RBFOX1: variants seen among roughly 807,000 people sequenced by gnomAD.
RBFOX1 encodes the protein RNA binding fox-1 homolog 1.
A neutral mutation model predicts 57.7 loss-of-function variants in RBFOX1; 8 were observed. That is an observed-to-expected ratio of 0.14 (90% confidence interval 0.08 to 0.25). RBFOX1 has a LOEUF of 0.25. Ranked by LOEUF, RBFOX1 falls within the 10% of genes least tolerant of loss-of-function variation. The pLI, the probability that RBFOX1 is intolerant of heterozygous loss-of-function variation, is 1.00. For synonymous variants in RBFOX1, 326 were observed against 222.4 expected (o/e 1.47, Z -4.15); for missense variants, 611 against 548.5 (o/e 1.11, Z -1.14).
At chr16:5,817,214 A>T (rs538054878) in intron 3 of RBFOX1, among the ~76,000 whole-genome samples, 2 of 152,084 alleles carry the variant, frequency 1.3e-5, no homozygotes, top group Admixed American at 6.6e-5. Flanking sequence ...TGGGGTGTGC[A>T]CTTCTAGGAG....
intron 9 of RBFOX1, among the ~76,000 whole-genome samples, chr16:7,602,303 G>A (rs1024312771): frequency 6.6e-6 from 1 of 152,104 alleles, no homozygotes; most frequent in African/African-American, 2.4e-5. Flanking sequence ...GCCACGGAGG[G>A]GTCTAAACTG....
intron 3 of RBFOX1, among the ~76,000 whole-genome samples, chr16:6,883,017 G>T (rs1462506869): frequency 6.6e-6 from 1 of 152,136 alleles, no homozygotes; most frequent in Non-Finnish European, 1.5e-5. Flanking sequence ...CCAATCTGCA[G>T]ATATTCTAGA....
At chr16:7,460,467 TATA>T (rs1233337500) in intron 4 of RBFOX1, among the ~76,000 whole-genome samples, 1 of 145,272 alleles carries the variant, frequency 6.9e-6, no homozygotes, top group East Asian at 2.0e-4. Flanking sequence ...ACATATCTAA[TATA>T]TATCTAATTA....
At chr16:6,181,795 A>G (rs935707491) in intron 1 of RBFOX1, among the ~76,000 whole-genome samples, 9 of 152,132 alleles carry the variant, frequency 5.9e-5, no homozygotes, top group Admixed American at 3.9e-4. Flanking sequence ...ACAAAATCTC[A>G]GTGATGCCGT....
intron 3 of RBFOX1, among the ~76,000 whole-genome samples, chr16:5,728,968 C>A (rs1355689480): frequency 1.3e-5 from 2 of 152,200 alleles, no homozygotes; most frequent in East Asian, 3.9e-4. Context: ...TTGAACTTTA[C>A]CTGCATAGCC....
At chr16:6,921,417 A>G (rs532782842) in intron 3 of RBFOX1, among the ~76,000 whole-genome samples, 1 of 152,064 alleles carries the variant, frequency 6.6e-6, no homozygotes, top group South Asian at 2.1e-4. Flanking sequence ...GGCACAATTT[A>G]TTTCCTGTGA....
intron 2 of RBFOX1, among the ~76,000 whole-genome samples, chr16:6,424,534 C>T (rs532251470): frequency 6.6e-6 from 1 of 152,198 alleles, no homozygotes; most frequent in South Asian, 2.1e-4. Flanking sequence ...ACAGCCCTCA[C>T]TTTAAAGAAT....
rs183051452 is a variant in RBFOX1, at chr16:7,262,561, C to G, written c.27+210463C>G. Among the ~76,000 whole-genome samples, 45 of 152,398 alleles carry G rather than the reference C, an allele frequency of 3.0e-4. 1 individual carries two copies. The highest frequency in any genetic ancestry group is 6.6e-4 in the Non-Finnish European group (45 of 68,046). ...CATAGCACCCCACTTTGTGGGGCAC[C>G]CATTGCTCCTCATTCTGGGTCCAGC... On this transcript the variant is annotated intron_variant, in intron 4 of 15. Coordinates refer to ENST00000550418, the MANE Select transcript of RBFOX1 (RefSeq NM_018723.4).
chr16:7,538,661 T>A (rs1405503763), intron 5 of RBFOX1, among the ~76,000 whole-genome samples: 1 of 152,206 alleles, frequency 6.6e-6, no homozygotes, highest in Non-Finnish European at 1.5e-5. Context: ...TATGCATTGC[T>A]GCCTAACAAA....
At chr16:6,916,870 G>C (rs1597149934) in intron 3 of RBFOX1, among the ~76,000 whole-genome samples, 3 of 152,160 alleles carry the variant, frequency 2.0e-5, no homozygotes, top group Admixed American at 2.0e-4. Flanking sequence ...GTGTGTATAA[G>C]ATGGAGTCTC....
intron 5 of RBFOX1, among the ~76,000 whole-genome samples, chr16:7,531,856 C>G (rs1322776372): frequency 6.6e-6 from 1 of 152,088 alleles, no homozygotes; most frequent in African/African-American, 2.4e-5. Flanking sequence ...TCTCAACTCC[C>G]TCAATTTATA....
intron 4 of RBFOX1, among the ~76,000 whole-genome samples, chr16:7,414,362 G>C (rs1396674497): frequency 2.0e-5 from 3 of 152,186 alleles, no homozygotes; most frequent in Non-Finnish European, 2.9e-5. Flanking sequence ...AGATAGATTG[G>C]TGGTCAAAAG....
chr16:5,688,293 A>G (rs2050564851), intron 3 of RBFOX1, among the ~76,000 whole-genome samples: 1 of 152,226 alleles, frequency 6.6e-6, no homozygotes, highest in Admixed American at 6.5e-5. Context: ...TTAGTCAGAA[A>G]TGATCCTTAA....
intron 2 of RBFOX1, among the ~76,000 whole-genome samples, chr16:6,328,339 C>G (rs543441996): frequency 6.6e-6 from 1 of 152,070 alleles, no homozygotes. Context: ...GTATACTCCT[C>G]GGGTGATGGG....
chr16:7,693,685 G>C (rs1304051279), intron 14 of RBFOX1, among the ~76,000 whole-genome samples: 1 of 152,124 alleles, frequency 6.6e-6, no homozygotes, highest in Non-Finnish European at 1.5e-5. Context: ...TAGGGAACAG[G>C]AAGATTAGGT....
intron 3 of RBFOX1, among the ~76,000 whole-genome samples, chr16:5,803,401 G>A (rs770077661): frequency 6.6e-6 from 1 of 152,158 alleles, no homozygotes; most frequent in Admixed American, 6.5e-5. Flanking sequence ...TGTGGATTCT[G>A]ATCCCAGTTC....
At chr16:5,683,711 T>G (rs1485571337) in intron 3 of RBFOX1, among the ~76,000 whole-genome samples, 1 of 151,310 alleles carries the variant, frequency 6.6e-6, no homozygotes, top group Non-Finnish European at 1.5e-5. Flanking sequence ...ATCATGTAAG[T>G]TAATACTTAA....
intron 3 of RBFOX1, among the ~76,000 whole-genome samples, chr16:6,913,943 T>G (rs2072408538): frequency 6.6e-6 from 1 of 152,210 alleles, no homozygotes; most frequent in African/African-American, 2.4e-5. Context: ...TGAAGGATAT[T>G]ATAATTATGG....
intron 3 of RBFOX1, among the ~76,000 whole-genome samples, chr16:6,850,229 T>TG (rs2093992217): frequency 6.6e-6 from 1 of 152,156 alleles, no homozygotes; most frequent in Non-Finnish European, 1.5e-5. Flanking sequence ...ATTCCTCTTT[T>TG]GGGGCGTAAA....
Sources: gnomAD v4.1 joint callset for allele counts (sites outside exome capture counted in the v4.1 genomes callset) on GRCh38, gnomAD v4.1.1 for gene constraint, MANE v1.5 for transcripts, NCBI Gene and HGNC (gene_info 2026-07-23, HGNC 2026-07-21) for gene names.